Variants in KCNQ5 observed in about 807,000 individuals in gnomAD.
The protein encoded by KCNQ5 is potassium voltage-gated channel subfamily KQT member 5.
In KCNQ5, 30 loss-of-function variants were observed where a neutral mutation model predicts 98.2. The ratio of observed to expected loss-of-function variants is 0.31; its 90% CI spans 0.23 to 0.41. The LOEUF (loss-of-function observed/expected upper bound fraction) is 0.41, where lower values mean the gene tolerates loss of function less well. Ranked by LOEUF, KCNQ5 falls within the 10% of genes least tolerant of loss-of-function variation. KCNQ5 has a pLI of 1.00. For missense variants in KCNQ5, 835 were observed against 1,182.5 expected (o/e 0.71, Z 4.31); for synonymous variants, 458 against 449.4 (o/e 1.02, Z -0.24).
At chr6:73,058,092 T>C (rs1772604830) in intron 3 of KCNQ5, among the ~76,000 whole-genome samples, 1 of 152,110 alleles carries the variant, frequency 6.6e-6, no homozygotes, top group Non-Finnish European at 1.5e-5. Flanking sequence ...AAAAATCAAC[T>C]CAAGATGGGT....
At chr6:72,896,844 C>T (rs1720898901) in intron 1 of KCNQ5, among the ~76,000 whole-genome samples, 1 of 152,108 alleles carries the variant, frequency 6.6e-6, no homozygotes, top group Non-Finnish European at 1.5e-5. Context: ...CTCAAAAACT[C>T]ATAGAAAATG....
intron 2 of KCNQ5, among the ~76,000 whole-genome samples, chr6:73,041,306 A>C (rs1475725537): frequency 6.6e-6 from 1 of 152,202 alleles, no homozygotes; most frequent in Non-Finnish European, 1.5e-5. Flanking sequence ...AGCTCTTGCC[A>C]AAGGGCAGCA....
chr6:72,645,216 A>C (rs1309040985), intron 1 of KCNQ5, among the ~76,000 whole-genome samples: 21 of 146,144 alleles, frequency 1.4e-4, no homozygotes, highest in African/African-American at 5.1e-4. Flanking sequence ...AAAAAAAACA[A>C]AAAAAAACAA....
chr6:73,085,508 G>A (rs910358182), intron 5 of KCNQ5, among the ~76,000 whole-genome samples: 5 of 152,178 alleles, frequency 3.3e-5, no homozygotes, highest in African/African-American at 1.2e-4. Flanking sequence ...AGTTATTGAG[G>A]CTGGGGGTTC....
At chr6:73,159,946 CGTT>C (rs2150492332) in intron 10 of KCNQ5, among the ~76,000 whole-genome samples, 1 of 152,238 alleles carries the variant, frequency 6.6e-6, no homozygotes, top group Admixed American at 6.5e-5. Context: ...AATGTGAGGA[CGTT>C]ATTATTCCTC....
At chr6:72,815,027 G>T (rs572443904) in intron 1 of KCNQ5, among the ~76,000 whole-genome samples, 1 of 152,308 alleles carries the variant, frequency 6.6e-6, no homozygotes, top group Admixed American at 6.5e-5. Context: ...TAAGGGAGTG[G>T]AGAAGTGGAC....
chr6:72,726,372 G>A (rs1197936517), intron 1 of KCNQ5, among the ~76,000 whole-genome samples: 3 of 151,838 alleles, frequency 2.0e-5, no homozygotes, highest in African/African-American at 4.8e-5. Context: ...CACCATGCCC[G>A]GCTAATTCCC....
chr6:73,184,063 CCT>C (rs1268584509), intron 11 of KCNQ5, among the ~76,000 whole-genome samples: 3 of 152,174 alleles, frequency 2.0e-5, no homozygotes, highest in African/African-American at 7.2e-5. Flanking sequence ...CAGGCTCTTC[CCT>C]CTCTTTTCCC....
At chr6:73,014,140 T>C (rs953354338) in intron 2 of KCNQ5, among the ~76,000 whole-genome samples, 3 of 152,066 alleles carry the variant, frequency 2.0e-5, no homozygotes, top group Non-Finnish European at 2.9e-5. Context: ...TAGCCAAAGG[T>C]TGTAGGTTTT....
Position 72,785,799 on chromosome 6 carries a change from A to G in KCNQ5, c.398+163212A>G, listed in dbSNP as rs958122182. On this transcript the variant is annotated intron_variant, in intron 1 of 13. Transcript: ENST00000370398. ...GCCTTCAAGTTGAAGCTAAATCATC[A>G]CCGCTTGCTTGGAGTCTATTGTACC... is the stretch of plus-strand genomic sequence containing the variant. 1.1e-4 allele frequency among the ~76,000 whole-genome samples: 16 copies of G among 152,256 alleles called. No homozygotes were observed. In the East Asian group the frequency reaches 2.9e-3, roughly 28 times the overall value.
At chr6:72,830,330 A>T (rs1776197509) in intron 1 of KCNQ5, among the ~76,000 whole-genome samples, 1 of 152,168 alleles carries the variant, frequency 6.6e-6, no homozygotes, top group African/African-American at 2.4e-5. Flanking sequence ...CTAACTTCAA[A>T]CTATACTACA....
At chr6:72,852,544 A>G (rs138026710) in intron 1 of KCNQ5, among the ~76,000 whole-genome samples, 3 of 149,230 alleles carry the variant, frequency 2.0e-5, no homozygotes, top group East Asian at 3.9e-4. Context: ...TCACTCATAT[A>G]TCGGAGCAAA....
chr6:72,825,716 A>G (rs1165386116), intron 1 of KCNQ5, among the ~76,000 whole-genome samples: 1 of 152,192 alleles, frequency 6.6e-6, no homozygotes. Context: ...GAAGTCTCTC[A>G]GCCCATTCTT....
chr6:72,655,038 T>C (rs866389093), intron 1 of KCNQ5, among the ~76,000 whole-genome samples: 2,323 of 126,068 alleles, frequency 0.018, 24 homozygotes, highest in Non-Finnish European at 0.026. Flanking sequence ...CTTTCTTTCT[T>C]TCTTTCTTTC....
chr6:72,790,416 A>G (rs529365536), intron 1 of KCNQ5, among the ~76,000 whole-genome samples: 1 of 152,296 alleles, frequency 6.6e-6, no homozygotes, highest in South Asian at 2.1e-4. Flanking sequence ...CAAACTTCGC[A>G]TGTTCTCACT....
chr6:72,763,368 G>A (rs1772385858), intron 1 of KCNQ5, among the ~76,000 whole-genome samples: 1 of 151,922 alleles, frequency 6.6e-6, no homozygotes, highest in Non-Finnish European at 1.5e-5. Context: ...TAAAATTACA[G>A]GTTCAAGAAC....
At chr6:72,699,964 A>G (rs1448193237) in intron 1 of KCNQ5, among the ~76,000 whole-genome samples, 1 of 152,136 alleles carries the variant, frequency 6.6e-6, no homozygotes, top group Non-Finnish European at 1.5e-5. Context: ...TTCCTTCTTC[A>G]TCTGTAAAAT....
At chr6:72,956,107 C>T (rs1199096769) in intron 1 of KCNQ5, among the ~76,000 whole-genome samples, 2 of 152,170 alleles carry the variant, frequency 1.3e-5, no homozygotes, top group East Asian at 1.9e-4. Context: ...GCACATGCTT[C>T]GTGTTGGATA....
At chr6:73,122,787 C>A (rs556481268) in intron 8 of KCNQ5, among the ~76,000 whole-genome samples, 96 of 152,310 alleles carry the variant, frequency 6.3e-4, no homozygotes, top group African/African-American at 2.3e-3. Flanking sequence ...AAAATCAATA[C>A]TTTGCCTACA....
Sources: gnomAD v4.1 joint callset for allele counts (sites outside exome capture counted in the v4.1 genomes callset) on GRCh38, gnomAD v4.1.1 for gene constraint, MANE v1.5 for transcripts, NCBI Gene and HGNC (gene_info 2026-07-23, HGNC 2026-07-21) for gene names.